WDR86: variants seen among roughly 807,000 people sequenced by gnomAD.
WDR86 encodes WD repeat domain 86.
In WDR86, 30 loss-of-function variants were observed where a neutral mutation model predicts 36.5. That is an observed-to-expected ratio of 0.82 (90% CI 0.61 to 1.11). The LOEUF (loss-of-function observed/expected upper bound fraction) is 1.11, where lower values mean the gene tolerates loss of function less well. Ranked by LOEUF, WDR86 falls within the 50% of genes most tolerant of loss-of-function variation. The pLI is 0.00. For synonymous variants in WDR86, 255 were observed against 252.9 expected, an observed-to-expected ratio of 1.01 and a Z score of -0.08; for missense variants, 545 against 561.2, an observed-to-expected ratio of 0.97 and a Z score of 0.29.
chr7:151,377,375 G>T, downstream of WDR86: 3 of 543,220 alleles, frequency 5.5e-6, no homozygotes, highest in Non-Finnish European at 6.2e-6. Flanking sequence ...TCCAGGAGGG[G>T]TCCCAGGGCC....
chr7:151,376,962 C>T, downstream of WDR86: 1 of 1,417,220 alleles, frequency 7.1e-7, no homozygotes, highest in Non-Finnish European at 9.4e-7. Context: ...CAGCAAGAGG[C>T]ACAGTCTGAG....
In WDR86 at chr7:151,396,383, C is replaced by T. The variant is rs572325956; in HGVS notation, c.306-187G>A. ...ACCTCCAGGAAGCTACCCTGACTCCCCTCATGCCCACCCTTCCTTGCCTGC... is the reference window on the plus strand; with the variant it reads ...ACCTCCAGGAAGCTACCCTGACTCCTCTCATGCCCACCCTTCCTTGCCTGC... On this transcript the variant is annotated intron_variant, in intron 2 of 5. Coordinates refer to ENST00000334493, the MANE Select transcript of WDR86 (RefSeq NM_198285.3). 3.9e-4 allele frequency among the ~76,000 whole-genome samples: 60 copies of T among 152,350 alleles called. 2 individuals carry two copies. In the South Asian group the frequency reaches 0.011, roughly 29 times the overall value.
chr7:151,410,322 A>G (rs890605564), upstream of WDR86, among the ~76,000 whole-genome samples: 3 of 151,642 alleles, frequency 2.0e-5, no homozygotes, highest in Admixed American at 6.5e-5. Context: ...CGCGCCGGGA[A>G]CTCATTTGGG....
chr7:151,380,334 G>A (rs1397715229), downstream of WDR86, among the ~76,000 whole-genome samples: 1 of 152,206 alleles, frequency 6.6e-6, no homozygotes, highest in Non-Finnish European at 1.5e-5. Flanking sequence ...ATCCCTGGCG[G>A]CCCCGGCCGT....
Position 151,409,482 on chromosome 7 carries a change from G to C in WDR86, c.108C>G (p.Asp36Glu). 6.5e-7 allele frequency: 1 copy of C among 1,535,816 alleles called. No homozygotes were observed. The highest frequency in any genetic ancestry group is 1.2e-5 in the South Asian group (1 of 83,946). The change falls in exon 1 of 6, where the codon GAC (aspartate) becomes GAG (glutamate). Residue 36 changes from aspartate (D) to glutamate (E), a missense_variant. Physicochemically the swap from Asp to Glu is conservative, Grantham distance 45. Coordinates refer to ENST00000334493, the MANE Select transcript of WDR86 (RefSeq NM_198285.3). This position sits in a 1 kb window ranked among gnomAD's most constrained non-coding sequence, Gnocchi z 5.2. ...CGGTGCTCCAGAGCCGGGCCGTGCC[G>C]TCCTCGCTGCCCGTCAGCAGGCGCT... ...DGQRLLTGSE[D>E]GTARLWSTAD...
In WDR86 at chr7:151,409,339, AGGGGTCTGCGGGCGCAGGAGCT is replaced by A. The variant is rs1199875620; in HGVS notation, c.163+66_163+87del. On this transcript the variant is annotated intron_variant, in intron 1 of 5. Coordinates refer to ENST00000334493, the MANE Select transcript of WDR86 (RefSeq NM_198285.3). The surrounding 1 kb of genome is among the most constrained non-coding windows in gnomAD (Gnocchi z 5.2). The stretch of plus-strand genomic sequence containing the variant: ...ATGAGCGGGGGCTGGACTTCTAGAA[AGGGGTCTGCGGGCGCAGGAGCT>A]GGGGTCCGCGGTCTGGGGCCGGTGA... 6.6e-7 allele frequency: 1 copy of A among 1,522,136 alleles called. No homozygotes were observed. The highest frequency in any genetic ancestry group is 2.0e-5 in the Admixed American group (1 of 50,146). The allele number at this position is 1,522,136 out of a possible 1,614,324, so 94.3% of individuals were successfully genotyped here.
intron 1 of WDR86, among the ~76,000 whole-genome samples, chr7:151,402,070 A>AAAAAAAT: frequency 1.6e-4 from 8 of 50,532 alleles, no homozygotes; most frequent in African/African-American, 3.5e-4. Context: ...AAAAAAAAAA[A>AAAAAAAT]ATATATATAT....
Position 151,400,254 on chromosome 7 carries a change from G to T in WDR86, c.164-13C>A. 6.3e-7 allele frequency: 1 copy of T among 1,589,432 alleles called. No homozygotes were observed. Among genetic ancestry groups the T allele is most frequent in the Non-Finnish European group, 8.6e-7 (1 of 1,166,316 alleles). On this transcript the variant is annotated splice_polypyrimidine_tract_variant and intron_variant, in intron 1 of 5. Coordinates refer to ENST00000334493, the MANE Select transcript of WDR86 (RefSeq NM_198285.3). ...TAGCTTTCATGTCCTGCAGATGAGG[G>T]ACAGGGGAGATGTGAGCGTACTGGG...
At chr7:151,407,314 GA>G (rs2150877467) in intron 1 of WDR86, among the ~76,000 whole-genome samples, 1 of 152,352 alleles carries the variant, frequency 6.6e-6, no homozygotes, top group South Asian at 2.1e-4. Context: ...ACAGGTGCCA[GA>G]CACAGAGCTG....
rs1412042104 is a variant in WDR86, at chr7:151,401,521, G to A, written c.164-1280C>T. Among the ~76,000 whole-genome samples, 2 of 152,120 alleles carry A rather than the reference G, an allele frequency of 1.3e-5. No individual in the cohort carries two copies. Among genetic ancestry groups the A allele is most frequent in the South Asian group, 2.1e-4 (1 of 4,810 alleles). Reference sequence around the variant, plus strand: ...GGGATGGGGACAATGCCTGCCTCACGGGATGTAGCGCAGACTGAGGACAGA... The same window carrying A: ...GGGATGGGGACAATGCCTGCCTCACAGGATGTAGCGCAGACTGAGGACAGA... On this transcript the variant is annotated intron_variant, in intron 1 of 5. Coordinates refer to ENST00000334493, the MANE Select transcript of WDR86 (RefSeq NM_198285.3). The surrounding 1 kb of genome is among the most constrained non-coding windows in gnomAD (Gnocchi z 4.3).
intron 1 of WDR86, among the ~76,000 whole-genome samples, chr7:151,404,977 G>T (rs1306300400): frequency 2.6e-5 from 4 of 152,196 alleles, no homozygotes; most frequent in Non-Finnish European, 4.4e-5. Flanking sequence ...GGACTGGACA[G>T]CCACCCTGGA....
downstream of WDR86, chr7:151,376,330 G>A (rs1798240865): frequency 4.1e-6 from 2 of 488,306 alleles, no homozygotes; most frequent in Non-Finnish European, 7.4e-6. Context: ...TAGCACGCCT[G>A]TATGCTGTGG....
At chr7:151,386,668 G>A (rs763176626) in intron 3 of WDR86, among the ~76,000 whole-genome samples, 61 of 152,292 alleles carry the variant, frequency 4.0e-4, no homozygotes, top group Non-Finnish European at 7.1e-4. Flanking sequence ...GGCACCAGCA[G>A]GAAGGACAAA....
intron 1 of WDR86, chr7:151,408,996 C>G (rs1285341869): frequency 2.1e-6 from 1 of 477,968 alleles, no homozygotes. Context: ...CTGTGAGAGT[C>G]GTCAACAGGA....
chr7:151,375,374 T>C (rs1426557483), downstream of WDR86, among the ~76,000 whole-genome samples: 1 of 152,152 alleles, frequency 6.6e-6, no homozygotes, highest in African/African-American at 2.4e-5. Flanking sequence ...CCAGTCAAAA[T>C]GGAAGTACTG....
chr7:151,397,130 G>A (rs780018499), intron 2 of WDR86, among the ~76,000 whole-genome samples: 5 of 152,222 alleles, frequency 3.3e-5, no homozygotes, highest in South Asian at 2.1e-4. Flanking sequence ...GGGTGCGGCC[G>A]TGGCTGCACT....
At chr7:151,375,588 C>T (rs140025640), downstream of WDR86, among the ~76,000 whole-genome samples, 13 of 152,322 alleles carry the variant, frequency 8.5e-5, no homozygotes, top group East Asian at 1.9e-3. Context: ...TTGGATGCTG[C>T]TTCCACCTGC....
chr7:151,400,049 C>T, intron 2 of WDR86, 51 bp downstream of exon 2: 1 of 1,468,972 alleles, frequency 6.8e-7, no homozygotes, highest in South Asian at 1.5e-5. Context: ...CTCAGCCCCA[C>T]CAGAAGCCTA....
downstream of WDR86, among the ~76,000 whole-genome samples, chr7:151,379,903 G>A (rs538019565): frequency 6.6e-6 from 1 of 152,210 alleles, no homozygotes; most frequent in African/African-American, 2.4e-5. Flanking sequence ...GCTCAGGGCC[G>A]GCCGGCAGCA....
Sources: allele counts gnomAD v4.1 joint callset (sites outside exome capture counted in the v4.1 genomes callset), GRCh38; gene constraint gnomAD v4.1.1; non-coding constraint Gnocchi (gnomAD v3.1); transcripts MANE v1.5; gene names NCBI Gene and HGNC (gene_info 2026-07-23, HGNC 2026-07-21).